Variants in LY6H observed in about 807,000 individuals in gnomAD.
LY6H encodes lymphocyte antigen 6 family member H.
LY6H carries 8 observed loss-of-function variants against 14.6 expected under a neutral mutation model. The observed-to-expected ratio is 0.55, with a 90% CI of 0.32 to 0.99. The LOEUF is 0.99. LY6H is among the 50% of genes least tolerant of loss of function. The pLI is 0.04. For synonymous variants in LY6H, 115 were observed against 97.2 expected (o/e 1.18, Z -1.08); for missense variants, 196 against 219.6 (o/e 0.89, Z 0.68).
At chr8:143,160,164 G>C in intron 1 of LY6H, 34 bp downstream of exon 1, 1 of 1,276,658 alleles carries the variant, frequency 7.8e-7, no homozygotes, top group South Asian at 3.4e-5. Context: ...ATGGGGCGTG[G>C]AGCGCGGGCC....
intron 1 of LY6H, 117 bp from the exon 2 acceptor site, chr8:143,159,826 C>T (rs1047920311): frequency 8.3e-7 from 1 of 1,205,708 alleles, no homozygotes; most frequent in Non-Finnish European, 1.1e-6. Flanking sequence ...CGCAGAGCCC[C>T]ACCCCCAGCC....
chr8:143,158,167 A>C lies in LY6H; in HGVS notation c.*83T>G, dbSNP rs994099655. 5 of 991,810 alleles carry C rather than the reference A, an allele frequency of 5.0e-6. No individual in the cohort carries two copies. Among genetic ancestry groups the C allele is most frequent in the Non-Finnish European group, 7.4e-6 (5 of 675,702 alleles). The allele number at this position is 991,810 out of a possible 1,614,324, so 61.4% of individuals were successfully genotyped here. On this transcript the variant is annotated 3_prime_UTR_variant, in exon 4 of 4. Transcript: ENST00000342752. Reference sequence around the variant, plus strand: ...ACGGAGCTGGGCCAAGGCTGCCCCCAGCCCCAGCCACGCCAGGCTGGGGAG... The same window carrying C: ...ACGGAGCTGGGCCAAGGCTGCCCCCCGCCCCAGCCACGCCAGGCTGGGGAG...
rs1387437904 is a variant in LY6H at position 143,159,610 on chromosome 8, C to T, written c.102G>A (p.Leu34=). 2.7e-6 allele frequency: 4 copies of T among 1,494,258 alleles called. No individual in the cohort carries two copies. Among genetic ancestry groups the T allele is most frequent in the South Asian group, 2.5e-5 (2 of 80,364 alleles). The allele number at this position is 1,494,258 out of a possible 1,614,324, so 92.6% of individuals were successfully genotyped here. The change falls in exon 2 of 4, where the codon CTG becomes CTA. Residue 34 remains leucine, a synonymous_variant. Coordinates refer to ENST00000342752, the MANE Select transcript of LY6H (RefSeq NM_001135655.2). The part of the protein sequence containing the change: ...PAAMKGLGLA[L]LAVLLCSAPA... Reference sequence around the variant, plus strand: ...GCGCCGAGCACAGCAGGACGGCCAGCAGCGCCAGGCCGAGGCCCTTCATGG... The same window carrying T: ...GCGCCGAGCACAGCAGGACGGCCAGTAGCGCCAGGCCGAGGCCCTTCATGG...
intron 1 of LY6H, 189 bp downstream of exon 1, chr8:143,160,008 CG>C: frequency 1.6e-6 from 2 of 1,214,098 alleles, no homozygotes; most frequent in Non-Finnish European, 2.1e-6. Context: ...CAGGAATGAG[CG>C]GCAGGGGCGG....
At chr8:143,160,654 G>T (rs1040248987), upstream of LY6H, 2 of 152,126 alleles carry the variant, frequency 1.3e-5, no homozygotes, top group Admixed American at 6.5e-5. Context: ...GACGCAGAGA[G>T]GGGGAGGTAC....
intron 1 of LY6H, 192 bp downstream of exon 1, chr8:143,160,006 A>G: frequency 8.2e-7 from 1 of 1,216,248 alleles, no homozygotes; most frequent in South Asian, 4.2e-5. Flanking sequence ...GACAGGAATG[A>G]GCGGCAGGGG....
Position 143,158,397 on chromosome 8 carries a change from A to G in LY6H, c.339T>C (p.Phe113=), listed in dbSNP as rs200735524. The change falls in exon 4 of 4, where the codon TTT becomes TTC. Residue 113 remains phenylalanine, a synonymous_variant. Transcript: ENST00000342752. ...CGACCTTTAAGATCCCAGAGTTAAT[A>G]AACCCCATCAGATAGTCTGAGAAAA... ...RHFFSDYLMG[F]INSGILKVDV... is the part of the protein sequence containing the mutation. The G allele has an allele frequency of 1.5e-5, 25 of 1,613,984 alleles. No individual in the cohort carries two copies. The highest frequency in any genetic ancestry group is 1.6e-4 in the Middle Eastern group (1 of 6,062).
intron 2 of LY6H, 81 bp from the exon 3 acceptor site, chr8:143,159,003 C>T: frequency 6.5e-7 from 1 of 1,543,128 alleles, no homozygotes; most frequent in Non-Finnish European, 8.7e-7. Context: ...CACCCATCCC[C>T]CTGCTGCAGG....
chr8:143,160,243 C>A lies in LY6H; in HGVS notation c.-44G>T. 7.8e-7 allele frequency: 1 copy of A among 1,277,216 alleles called. No homozygotes were observed. Among genetic ancestry groups the A allele is most frequent in the Admixed American group, 3.2e-5 (1 of 31,346 alleles). The allele number at this position is 1,277,216 out of a possible 1,614,324, so 79.1% of individuals were successfully genotyped here. A position where few individuals can be genotyped will look rare whatever the true frequency, so the allele number is the denominator to read the frequency against. On this transcript the variant is annotated 5_prime_UTR_variant, in exon 1 of 4. Coordinates refer to ENST00000342752, the MANE Select transcript of LY6H (RefSeq NM_001135655.2). The stretch of plus-strand genomic sequence containing the variant: ...CCGGGCTCGGGCGGCGTGCGCGGCG[C>A]GGGGAGCTGTGCCCTTCGGTCTCCC...
In LY6H at chr8:143,158,874, T is replaced by C. The variant is rs761152165; in HGVS notation, c.179A>G (p.His60Arg). Reference protein sequence around the residue: ...QDCTLTTNSSHCTPKQCQPSD... With the variant: ...QDCTLTTNSSRCTPKQCQPSD... ...CGGCTGGCACTGCTTTGGGGTGCAA[T>C]GGCTGGAGTTGGTGGTCAGGGTGCA... is the stretch of plus-strand genomic sequence containing the variant. The change falls in exon 3 of 4, where the codon CAT becomes CGT. Residue 60 changes from histidine (H) to arginine (R), a missense_variant. Coordinates refer to ENST00000342752, the MANE Select transcript of LY6H (RefSeq NM_001135655.2). The C allele has an allele frequency of 7.4e-6, 12 of 1,612,638 alleles. No homozygotes were observed. The highest frequency in any genetic ancestry group is 2.2e-5 in the East Asian group (1 of 44,858).
chr8:143,159,438 G>A, intron 2 of LY6H, 144 bp downstream of exon 2: 1 of 940,892 alleles, frequency 1.1e-6, no homozygotes, highest in South Asian at 2.0e-5. Flanking sequence ...GGCCGGGCTG[G>A]GGTCGCAGGG....
At chr8:143,158,532 T>C (rs1815508653) in intron 3 of LY6H, 47 bp from the exon 4 acceptor site, 32 of 1,506,414 alleles carry the variant, frequency 2.1e-5, no homozygotes, top group Non-Finnish European at 2.9e-5. Flanking sequence ...TCCTGGGCCC[T>C]CTCTGCCTCA....
chr8:143,158,618 C>T, intron 3 of LY6H, 133 bp from the exon 4 acceptor site: 1 of 1,145,354 alleles, frequency 8.7e-7, no homozygotes, highest in Non-Finnish European at 1.2e-6. Flanking sequence ...TCCACCCTCC[C>T]ACGCTGGCCT....
Position 143,158,906 on chromosome 8 carries a change from G to A in LY6H, c.147C>T (p.Cys49=), listed in dbSNP as rs754240751. The change falls in exon 3 of 4, where the codon TGC becomes TGT. Residue 49 remains cysteine (C), a synonymous_variant. Transcript: ENST00000342752. ...AGTTGGTGGTCAGGGTGCAGTCCTG[G>A]CACCACAGGCCATGAGCTGGGCAGG... ...LCSAPAHGLW[C]QDCTLTTNSS... is the part of the protein sequence containing the mutation. 6.2e-7 allele frequency: 1 copy of A among 1,613,780 alleles called. No homozygotes were observed.
chr8:143,159,728 G>T lies in LY6H; in HGVS notation c.3-19C>A. On this transcript the variant is annotated intron_variant, in intron 1 of 3. Transcript: ENST00000342752. The stretch of plus-strand genomic sequence containing the variant: ...CGCAAGCCTGGAGGGGAGAAGCATC[G>T]GTCAGGAGACCCCAAAGACCCTCTC... The T allele has an allele frequency of 7.4e-7, 1 of 1,355,980 alleles. No homozygotes were observed. The highest frequency in any genetic ancestry group is 1.8e-5 in the South Asian group (1 of 56,616). 84.0% of individuals were successfully genotyped at this position (1,355,980 alleles called of 1,614,324 possible). A position where few individuals can be genotyped will look rare whatever the true frequency, so the allele number is the denominator to read the frequency against.
chr8:143,160,393 G>T, upstream of LY6H: 1 of 171,732 alleles, frequency 5.8e-6, no homozygotes, highest in East Asian at 1.9e-4. Flanking sequence ...GCTGGGAGAC[G>T]CGCGGGGCGG....
chr8:143,158,605 C>T, intron 3 of LY6H, 120 bp from the exon 4 acceptor site: 1 of 1,134,936 alleles, frequency 8.8e-7, no homozygotes. Flanking sequence ...AGGGCCGAGT[C>T]CCTCCACCCT....
chr8:143,159,749 C>T, intron 1 of LY6H, 40 bp from the exon 2 acceptor site: 1 of 1,326,752 alleles, frequency 7.5e-7, no homozygotes, highest in South Asian at 2.0e-5. Flanking sequence ...CCCAAAGACC[C>T]TCTCCTTTCC....
rs1269727777 is a variant in LY6H at position 143,159,655 on chromosome 8, G to A, written c.57C>T (p.Thr19=). 10 of 1,423,928 alleles carry A rather than the reference G, an allele frequency of 7.0e-6. No individual in the cohort carries two copies. The highest frequency in any genetic ancestry group is 9.1e-6 in the Non-Finnish European group (10 of 1,100,300). 88.2% of individuals were successfully genotyped at this position (1,423,928 alleles called of 1,614,324 possible). The change falls in exon 2 of 4, where the codon ACC becomes ACT. Residue 19 remains threonine (T), a synonymous_variant. Transcript: ENST00000342752. ...TCATGGCTGCAGGCAGCATGCTCCG[G>A]GTGGGCCTGGGGGCGGCGCGGGGGC... ...APSPRAAPRP[T]RSMLPAAMKG... is the part of the protein sequence containing the mutation.
Sources: allele counts gnomAD v4.1 joint callset, GRCh38; gene constraint gnomAD v4.1.1; transcripts MANE v1.5; gene names NCBI Gene and HGNC (gene_info 2026-07-23, HGNC 2026-07-21).